The following COX7A2 variants were observed in gnomAD, a reference collection of about 807,000 sequenced individuals.
COX7A2 encodes cytochrome c oxidase subunit 7A2, mitochondrial.
In COX7A2, 11 loss-of-function variants were observed where a neutral mutation model predicts 11.6. That is an observed-to-expected ratio of 0.95 (90% CI 0.60 to 1.57). The LOEUF (loss-of-function observed/expected upper bound fraction) is 1.57, where lower values mean the gene tolerates loss of function less well. Ranked by LOEUF, COX7A2 falls within the 40% of genes most tolerant of loss-of-function variation. The probability of loss-of-function intolerance (pLI) is 0.00; values close to 1 mark genes in which losing one functional copy is unlikely to be tolerated. For missense variants in COX7A2, 106 were observed against 100.9 expected, an observed-to-expected ratio of 1.05 and a Z score of -0.22; for synonymous variants, 30 against 38.2, an observed-to-expected ratio of 0.78 and a Z score of 0.79.
intron 1 of COX7A2, among the ~76,000 whole-genome samples, chr6:75,248,919 T>C (rs1771736024): frequency 6.6e-6 from 1 of 152,142 alleles, no homozygotes; most frequent in Non-Finnish European, 1.5e-5. Context: ...AAAAGTTGTA[T>C]GGGAAATTCA....
chr6:75,245,988 C>G (rs1167481804), upstream of COX7A2, among the ~76,000 whole-genome samples: 2 of 152,134 alleles, frequency 1.3e-5, no homozygotes, highest in Non-Finnish European at 2.9e-5. Flanking sequence ...CTTTTACTTT[C>G]CTTTCCTGGA....
chr6:75,245,964 T>G (rs528343859), upstream of COX7A2, among the ~76,000 whole-genome samples: 2 of 152,312 alleles, frequency 1.3e-5, no homozygotes, highest in Admixed American at 1.3e-4. Context: ...GTTCTCCTAT[T>G]TTAGTGGCTG....
At chr6:75,243,803 G>A (rs759291604), upstream of COX7A2, 1 of 1,614,064 alleles carries the variant, frequency 6.2e-7, no homozygotes, top group Non-Finnish European at 8.5e-7. Context: ...GCCGGAACCG[G>A]AACTACCTCC....
chr6:75,242,195 C>T (rs146595774), intron 1 of COX7A2, among the ~76,000 whole-genome samples: 278 of 150,136 alleles, frequency 1.9e-3, no homozygotes, highest in African/African-American at 6.6e-3. Context: ...AGTGAAACTC[C>T]ATCTCAAAAA....
rs149039743 is a variant in COX7A2 at position 75,240,002 on chromosome 6, G to A, written c.193+299C>T. 9.0e-3 allele frequency among the ~76,000 whole-genome samples: 1,374 copies of A among 152,192 alleles called. 24 individuals carry two copies. The highest frequency in any genetic ancestry group is 0.031 in the African/African-American group (1,292 of 41,512). On this transcript the variant is annotated intron_variant, in intron 3 of 3. Coordinates refer to ENST00000684430, the MANE Select transcript of COX7A2 (RefSeq NM_001366293.2). ...TGTAATCCCAGCTACTCGGGAGGCT[G>A]AGGCAGGAGAATCGCTTGAACCCGG...
chr6:75,248,980 C>T (rs1053001658), intron 1 of COX7A2, among the ~76,000 whole-genome samples: 4 of 152,112 alleles, frequency 2.6e-5, no homozygotes, highest in South Asian at 2.1e-4. Context: ...GGGCCGGGCA[C>T]GGATTATAGC....
At chr6:75,240,830 CAT>C (rs1771479428) in intron 2 of COX7A2, 2 of 193,144 alleles carry the variant, frequency 1.0e-5, no homozygotes, top group Non-Finnish European at 2.1e-5. Flanking sequence ...TCTAATCCAG[CAT>C]ACAGTAGCTA....
At chr6:75,246,560 T>C (rs967944467), upstream of COX7A2, among the ~76,000 whole-genome samples, 1 of 152,224 alleles carries the variant, frequency 6.6e-6, no homozygotes, top group African/African-American at 2.4e-5. Flanking sequence ...CTGGATCATA[T>C]GACTCTGCTC....
rs538903295 is a variant in COX7A2 at position 75,240,393 on chromosome 6, T to A, written c.109-8A>T. The A allele has an allele frequency of 1.7e-4, 203 of 1,216,110 alleles. No homozygotes were observed. The highest frequency in any genetic ancestry group is 9.2e-4 in the East Asian group (36 of 39,100). 75.3% of individuals were successfully genotyped at this position (1,216,110 alleles called of 1,614,324 possible). Reference sequence around the variant, plus strand: ...TGGAATTTCATCATCCTCCTAGATTTAAAAAAAAAAAAAAAAGACAATAAT... The same window carrying A: ...TGGAATTTCATCATCCTCCTAGATTAAAAAAAAAAAAAAAAAGACAATAAT... On this transcript the variant is annotated splice_region_variant and splice_polypyrimidine_tract_variant and intron_variant, in intron 2 of 3. Transcript: ENST00000684430.
intron 1 of COX7A2, among the ~76,000 whole-genome samples, chr6:75,242,117 T>G (rs1013651202): frequency 3.3e-5 from 5 of 151,984 alleles, no homozygotes; most frequent in African/African-American, 1.2e-4. Context: ...GGAGAATCGC[T>G]TGAACCCGGG....
intron 3 of COX7A2, among the ~76,000 whole-genome samples, chr6:75,239,232 G>A (rs771604324): frequency 6.6e-6 from 1 of 152,216 alleles, no homozygotes; most frequent in Non-Finnish European, 1.5e-5. Context: ...TGGTGGGAAG[G>A]AGGGGACAGT....
intron 2 of COX7A2, 118 bp from the exon 3 acceptor site, chr6:75,240,503 T>C (rs1771466416): frequency 4.8e-6 from 3 of 630,104 alleles, no homozygotes; most frequent in South Asian, 2.6e-5. Context: ...AATTAAAGTA[T>C]TTTAAGTATT....
At chr6:75,244,032 A>G (rs1467432082), upstream of COX7A2, 2 of 504,914 alleles carry the variant, frequency 4.0e-6, no homozygotes, top group Non-Finnish European at 7.2e-6. Flanking sequence ...ACGATTTATG[A>G]GACGAATGTA....
intron 3 of COX7A2, among the ~76,000 whole-genome samples, chr6:75,238,869 G>A (rs982417470): frequency 4.0e-5 from 6 of 151,500 alleles, no homozygotes; most frequent in African/African-American, 1.5e-4. Flanking sequence ...AGGCTGGAGT[G>A]CAGTGACACA....
chr6:75,237,857 G>T lies in COX7A2; in HGVS notation c.*73C>A, dbSNP rs557868927. ...AATATTGATCCCCAAAGAAGAGCTC[G>T]GTTATTTATCAGATTACTGGTCCAT... On this transcript the variant is annotated 3_prime_UTR_variant, in exon 4 of 4. Coordinates refer to ENST00000684430, the MANE Select transcript of COX7A2 (RefSeq NM_001366293.2). 6.8e-5 allele frequency: 77 copies of T among 1,137,640 alleles called. 2 individuals carry two copies. In the East Asian group the frequency reaches 9.8e-4, roughly 14 times the overall value. The allele number at this position is 1,137,640 out of a possible 1,614,324, so 70.5% of individuals were successfully genotyped here. A position where few individuals can be genotyped will look rare whatever the true frequency, so the allele number is the denominator to read the frequency against.
intron 1 of COX7A2, among the ~76,000 whole-genome samples, chr6:75,242,332 C>T (rs1771530582): frequency 6.6e-6 from 1 of 152,174 alleles, no homozygotes; most frequent in Admixed American, 6.5e-5. Context: ...ATGGCGAAAC[C>T]CCGTCTCTAC....
upstream of COX7A2, among the ~76,000 whole-genome samples, chr6:75,245,440 A>C (rs915906445): frequency 6.6e-6 from 1 of 151,784 alleles, no homozygotes; most frequent in Admixed American, 6.6e-5. Flanking sequence ...GCAGTGAGCC[A>C]AGATCGCTCC....
chr6:75,243,943 C>G, upstream of COX7A2: 1 of 910,746 alleles, frequency 1.1e-6, no homozygotes, highest in Non-Finnish European at 1.7e-6. Flanking sequence ...GGCTCGCCGT[C>G]TCAGTCCCGT....
chr6:75,239,968 G>A (rs990908946), intron 3 of COX7A2, among the ~76,000 whole-genome samples: 1 of 152,120 alleles, frequency 6.6e-6, no homozygotes, highest in African/African-American at 2.4e-5. Flanking sequence ...AGGCATGGTG[G>A]TGCACGCCTG....
Sources: gnomAD v4.1 joint callset for allele counts (sites outside exome capture counted in the v4.1 genomes callset) on GRCh38, gnomAD v4.1.1 for gene constraint, MANE v1.5 for transcripts, NCBI Gene and HGNC (gene_info 2026-07-23, HGNC 2026-07-21) for gene names.